The following LRFN5 variants were observed in gnomAD, a reference collection of about 807,000 sequenced individuals.
LRFN5 encodes leucine rich repeat and fibronectin type III domain containing 5.
LRFN5 carries 24 observed loss-of-function variants against 45.6 expected under a neutral mutation model. The ratio of observed to expected loss-of-function variants is 0.53; its 90% CI spans 0.38 to 0.74. LRFN5 has a LOEUF of 0.74. Among genes scored for constraint, LRFN5 ranks in the 30% least tolerant of loss-of-function variants. The probability of loss-of-function intolerance (pLI) is 0.00; values close to 1 mark genes in which losing one functional copy is unlikely to be tolerated. For synonymous variants in LRFN5, 340 were observed against 313.8 expected, an observed-to-expected ratio of 1.08 and a Z score of -0.88; for missense variants, 776 against 861.5, an observed-to-expected ratio of 0.90 and a Z score of 1.24.
At chr14:41,771,022 C>T (rs1886066243) in intron 2 of LRFN5, among the ~76,000 whole-genome samples, 1 of 151,994 alleles carries the variant, frequency 6.6e-6, no homozygotes, top group South Asian at 2.1e-4. Context: ...CATGTGGAAA[C>T]CACCAAGGCT....
At chr14:41,813,672 CAGT>C (rs1480877746) in intron 2 of LRFN5, among the ~76,000 whole-genome samples, 2 of 152,054 alleles carry the variant, frequency 1.3e-5, no homozygotes, top group Non-Finnish European at 2.9e-5. Context: ...TGTGTCTTTA[CAGT>C]AGAATGATTT....
chr14:41,759,739 G>A (rs1885577597), intron 1 of LRFN5, among the ~76,000 whole-genome samples: 1 of 152,132 alleles, frequency 6.6e-6, no homozygotes, highest in South Asian at 2.1e-4. Flanking sequence ...TTGACTGATA[G>A]TTTTATATTT....
At chr14:41,754,199 C>T (rs1286251019) in intron 1 of LRFN5, among the ~76,000 whole-genome samples, 1 of 152,124 alleles carries the variant, frequency 6.6e-6, no homozygotes, top group African/African-American at 2.4e-5. Flanking sequence ...CATCGATGTT[C>T]ATCGGGGATA....
intron 1 of LRFN5, among the ~76,000 whole-genome samples, chr14:41,629,728 T>C (rs941504065): frequency 2.6e-5 from 4 of 152,174 alleles, no homozygotes; most frequent in Admixed American, 6.5e-5. Flanking sequence ...TTCCCAGTGC[T>C]TCAAAGTTGA....
rs185819294 is a variant in LRFN5 at position 41,761,122 on chromosome 14, C to T, written c.-196-5732C>T. 7.6e-4 allele frequency among the ~76,000 whole-genome samples: 116 copies of T among 152,072 alleles called. 2 individuals are homozygous for T. In the South Asian group the frequency reaches 0.014, roughly 19 times the overall value. ...TATGGTACTTGGGTGCATGTGCATA[C>T]GCAGTTGTGTGCATGTATGTAATAT... On this transcript the variant is annotated intron_variant, in intron 1 of 5. Transcript: ENST00000298119.
intron 1 of LRFN5, 44 bp downstream of exon 1, chr14:41,608,606 T>A (rs563068274): frequency 1.5e-4 from 23 of 152,782 alleles, no homozygotes; most frequent in African/African-American, 4.8e-4. Flanking sequence ...TTCCTTTTGA[T>A]CTTGTTTCTA....
intron 1 of LRFN5, among the ~76,000 whole-genome samples, chr14:41,726,384 C>A (rs1201128551): frequency 6.6e-6 from 1 of 152,032 alleles, no homozygotes; most frequent in Non-Finnish European, 1.5e-5. Context: ...TGTTAAATAA[C>A]AAATATACTG....
At chr14:41,863,852 G>T (rs1889751910) in intron 2 of LRFN5, among the ~76,000 whole-genome samples, 1 of 151,450 alleles carries the variant, frequency 6.6e-6, no homozygotes, top group Non-Finnish European at 1.5e-5. Context: ...CCCCCAACAG[G>T]CCCCGGTTAT....
chr14:41,749,214 G>T (rs1428237709), intron 1 of LRFN5, among the ~76,000 whole-genome samples: 6 of 152,028 alleles, frequency 3.9e-5, no homozygotes, highest in African/African-American at 1.4e-4. Context: ...TGAGCGTTGA[G>T]AGACGTATGC....
chr14:41,888,468 C>A (rs1166485378), intron 3 of LRFN5, among the ~76,000 whole-genome samples: 1 of 152,018 alleles, frequency 6.6e-6, no homozygotes, highest in Admixed American at 6.6e-5. Flanking sequence ...GGCAAATCTT[C>A]GTCTTTTGAG....
intron 1 of LRFN5, among the ~76,000 whole-genome samples, chr14:41,626,228 A>G (rs1888327246): frequency 2.0e-5 from 3 of 152,148 alleles, no homozygotes; most frequent in Admixed American, 2.0e-4. Context: ...GTTAAATATG[A>G]GTATTTTAAA....
chr14:41,826,798 T>C (rs1036092840), intron 2 of LRFN5, among the ~76,000 whole-genome samples: 2 of 151,856 alleles, frequency 1.3e-5, no homozygotes, highest in Admixed American at 1.3e-4. Flanking sequence ...ATCTATAATA[T>C]GGGAAAATAA....
chr14:41,727,343 G>A (rs1461421383), intron 1 of LRFN5, among the ~76,000 whole-genome samples: 5 of 152,200 alleles, frequency 3.3e-5, no homozygotes, highest in African/African-American at 1.2e-4. Context: ...ATGGCTCCAA[G>A]TTGTAATCTT....
chr14:41,685,599 T>G (rs1882083180), intron 1 of LRFN5, among the ~76,000 whole-genome samples: 1 of 152,158 alleles, frequency 6.6e-6, no homozygotes. Context: ...TGATTTGGGG[T>G]TTTACATACA....
At chr14:41,659,821 C>T (rs1880554664) in intron 1 of LRFN5, among the ~76,000 whole-genome samples, 1 of 150,794 alleles carries the variant, frequency 6.6e-6, no homozygotes, top group Non-Finnish European at 1.5e-5. Flanking sequence ...AGCTTTTTTT[C>T]ATATGTTGTT....
chr14:41,681,796 TTTTATTTA>T (rs34192648), intron 1 of LRFN5, among the ~76,000 whole-genome samples: 3 of 98,944 alleles, frequency 3.0e-5, no homozygotes, highest in Admixed American at 1.1e-4. Flanking sequence ...TTTTATTTTA[TTTTATTTA>T]TTTATTTATT....
intron 1 of LRFN5, chr14:41,700,279 A>G (rs1247100541): frequency 6.6e-6 from 1 of 152,088 alleles, no homozygotes; most frequent in Non-Finnish European, 1.5e-5. Context: ...AAAGGAACAA[A>G]TGAGTTGAGT....
intron 2 of LRFN5, among the ~76,000 whole-genome samples, chr14:41,810,214 C>T (rs1244377725): frequency 6.6e-6 from 1 of 151,904 alleles, no homozygotes; most frequent in East Asian, 1.9e-4. Context: ...TTTAGAAAAC[C>T]AAACCTAAGA....
chr14:41,897,330 CT>C (rs1890974321), intron 4 of LRFN5, among the ~76,000 whole-genome samples: 1 of 151,648 alleles, frequency 6.6e-6, no homozygotes, highest in Admixed American at 6.6e-5. Context: ...AAAATAATCA[CT>C]GATTTCTCTG....
Sources: allele counts gnomAD v4.1 joint callset (sites outside exome capture counted in the v4.1 genomes callset), GRCh38; gene constraint gnomAD v4.1.1; transcripts MANE v1.5; gene names NCBI Gene and HGNC (gene_info 2026-07-23, HGNC 2026-07-21).